The following ELF1 variants were observed in gnomAD, a reference collection of about 807,000 sequenced individuals.
ELF1 encodes the protein ETS-related transcription factor Elf-1.
In ELF1, 24 loss-of-function variants were observed where a neutral mutation model predicts 59.9. The observed-to-expected ratio is 0.40, with a 90% CI of 0.29 to 0.56. The LOEUF is 0.56. Among genes scored for constraint, ELF1 ranks in the 20% least tolerant of loss-of-function variants. ELF1 has a pLI of 0.44. For missense variants in ELF1, 627 were observed against 742.2 expected (o/e 0.84, Z 1.80); for synonymous variants, 248 against 266.2 (o/e 0.93, Z 0.67).
intron 1 of ELF1, among the ~76,000 whole-genome samples, chr13:41,002,110 G>C (rs969873273): frequency 1.3e-5 from 2 of 151,890 alleles, no homozygotes; most frequent in South Asian, 4.2e-4. Context: ...GGGAAAATCT[G>C]GGGGGGAAAT....
chr13:41,011,452 C>CT (rs1398787391), intron 1 of ELF1, among the ~76,000 whole-genome samples: 3 of 151,186 alleles, frequency 2.0e-5, no homozygotes, highest in East Asian at 1.9e-4. Context: ...AGGCAGTTAA[C>CT]TTTTTTTTTG....
intron 1 of ELF1, among the ~76,000 whole-genome samples, chr13:41,042,530 T>C (rs533462957): frequency 2.6e-5 from 4 of 152,254 alleles, no homozygotes; most frequent in African/African-American, 9.6e-5. Flanking sequence ...CATTGTTCAA[T>C]TCCTACCTAT....
At chr13:40,983,475 T>C (rs1256506980) in intron 1 of ELF1, among the ~76,000 whole-genome samples, 1 of 152,190 alleles carries the variant, frequency 6.6e-6, no homozygotes, top group African/African-American at 2.4e-5. Context: ...GGGGTCATCA[T>C]GGATGACTGT....
chr13:41,042,099 T>C (rs1253966350), intron 1 of ELF1, among the ~76,000 whole-genome samples: 1 of 152,206 alleles, frequency 6.6e-6, no homozygotes, highest in Non-Finnish European at 1.5e-5. Flanking sequence ...CTAAGCTCAC[T>C]GCAACCTCTG....
At chr13:41,042,169 C>T (rs1876638004) in intron 1 of ELF1, among the ~76,000 whole-genome samples, 2 of 152,128 alleles carry the variant, frequency 1.3e-5, no homozygotes, top group South Asian at 4.1e-4. Flanking sequence ...ATTACAGCTG[C>T]ATGCCACCAC....
chr13:41,018,755 A>T (rs1043666284), intron 1 of ELF1, among the ~76,000 whole-genome samples: 1 of 152,206 alleles, frequency 6.6e-6, no homozygotes, highest in African/African-American at 2.4e-5. Flanking sequence ...AGCAACACCT[A>T]TGGCTGAGTT....
chr13:40,941,564 C>T (rs1222628312), intron 7 of ELF1, among the ~76,000 whole-genome samples, 194 bp from the exon 8 acceptor site: 1 of 152,176 alleles, frequency 6.6e-6, no homozygotes, highest in East Asian at 1.9e-4. Context: ...GTTCTTATTA[C>T]CAACTAAATC....
intron 1 of ELF1, among the ~76,000 whole-genome samples, chr13:41,049,869 T>A (rs74046943): frequency 0.011 from 1,718 of 152,344 alleles, 36 homozygotes; most frequent in African/African-American, 0.04. Context: ...TTCATGAGGA[T>A]CTTGTCAGCT....
chr13:41,035,618 C>T (rs1436511243), intron 1 of ELF1, among the ~76,000 whole-genome samples: 2 of 151,432 alleles, frequency 1.3e-5, no homozygotes, highest in Non-Finnish European at 2.9e-5. Context: ...GAGAGAATAG[C>T]TTCTGGATTT....
intron 1 of ELF1, among the ~76,000 whole-genome samples, chr13:41,038,385 C>A (rs1259003191): frequency 6.6e-6 from 1 of 152,134 alleles, no homozygotes; most frequent in African/African-American, 2.4e-5. Flanking sequence ...TGCATGGTGG[C>A]TCAAGCCTAT....
intron 1 of ELF1, among the ~76,000 whole-genome samples, chr13:41,045,933 G>A (rs1370157507): frequency 6.6e-6 from 1 of 152,102 alleles, no homozygotes; most frequent in Non-Finnish European, 1.5e-5. Flanking sequence ...CTCTCTATAG[G>A]TCTCTAAGGA....
At chr13:41,032,254 G>A (rs755439344) in intron 1 of ELF1, among the ~76,000 whole-genome samples, 10 of 146,340 alleles carry the variant, frequency 6.8e-5, no homozygotes, top group East Asian at 4.0e-4. Context: ...TTTTGCTCTC[G>A]TTGCCCAGGC....
At chr13:41,024,458 G>A (rs530346628) in intron 1 of ELF1, among the ~76,000 whole-genome samples, 9 of 152,212 alleles carry the variant, frequency 5.9e-5, no homozygotes, top group Admixed American at 5.9e-4. Flanking sequence ...TGAGTAGCTG[G>A]GACTACAGGC....
chr13:41,003,715 C>T (rs985816232), intron 1 of ELF1, among the ~76,000 whole-genome samples: 3 of 152,078 alleles, frequency 2.0e-5, no homozygotes, highest in African/African-American at 7.2e-5. Context: ...CAATGAATGG[C>T]TAGACATTTT....
At chr13:41,006,280 T>C (rs1448905500) in intron 1 of ELF1, among the ~76,000 whole-genome samples, 2 of 152,142 alleles carry the variant, frequency 1.3e-5, no homozygotes, top group Non-Finnish European at 2.9e-5. Flanking sequence ...CTCTCACTTG[T>C]AAATGTATTG....
At chr13:40,981,624 T>C (rs1873276223) in intron 2 of ELF1, among the ~76,000 whole-genome samples, 1 of 152,094 alleles carries the variant, frequency 6.6e-6, no homozygotes, top group Admixed American at 6.6e-5. Flanking sequence ...AAGTAGCCCA[T>C]GATTACAAAC....
At chr13:40,953,598 T>C (rs1389205815) in intron 3 of ELF1, among the ~76,000 whole-genome samples, 1 of 152,154 alleles carries the variant, frequency 6.6e-6, no homozygotes, top group Non-Finnish European at 1.5e-5. Flanking sequence ...GAAAATAAAT[T>C]TCTCATTTGA....
chr13:40,954,462 T>C lies in ELF1; in HGVS notation c.254-3026A>G, dbSNP rs999173075. ...GGTCTCCCTCTCCCCACGGTCTCCC[T>C]CTCCCTCTCTTTCCACGGTCTCCCC... On this transcript the variant is annotated intron_variant, in intron 3 of 8. Coordinates refer to ENST00000239882, the MANE Select transcript of ELF1 (RefSeq NM_172373.4). Among the ~76,000 whole-genome samples the C allele has an allele frequency of 4.0e-5, 6 of 151,618 alleles. No individual in the cohort carries two copies. In the East Asian group the frequency reaches 1.2e-3, roughly 30 times the overall value.
intron 1 of ELF1, among the ~76,000 whole-genome samples, chr13:40,990,214 T>C (rs775062495): frequency 2.0e-5 from 3 of 152,196 alleles, no homozygotes; most frequent in Non-Finnish European, 4.4e-5. Flanking sequence ...TCAGTGTTCA[T>C]TGACTAGTGG....
Sources: allele counts gnomAD v4.1 joint callset (sites outside exome capture counted in the v4.1 genomes callset), GRCh38; gene constraint gnomAD v4.1.1; transcripts MANE v1.5; gene names NCBI Gene and HGNC (gene_info 2026-07-23, HGNC 2026-07-21).